Variants in CAMTA1 observed in about 807,000 individuals in gnomAD.
CAMTA1 encodes calmodulin-binding transcription activator 1.
A neutral mutation model predicts 170.9 loss-of-function variants in CAMTA1; 27 were observed. The ratio of observed to expected loss-of-function variants is 0.16; its 90% CI spans 0.12 to 0.22. The LOEUF is 0.22. Ranked by LOEUF, CAMTA1 falls within the 10% of genes least tolerant of loss-of-function variation. The probability of loss-of-function intolerance (pLI) is 1.00; values close to 1 mark genes in which losing one functional copy is unlikely to be tolerated. For missense variants in CAMTA1, 1,619 were observed against 2,217.2 expected, an observed-to-expected ratio of 0.73 and a Z score of 5.42; for synonymous variants, 833 against 891.5, an observed-to-expected ratio of 0.93 and a Z score of 1.17.
chr1:7,499,948 G>T (rs1215621685), intron 6 of CAMTA1, among the ~76,000 whole-genome samples: 1 of 145,992 alleles, frequency 6.8e-6, no homozygotes, highest in East Asian at 2.2e-4. Flanking sequence ...GGATGAGTGT[G>T]TGGAGAGGAC....
At chr1:7,396,861 A>G (rs1347693014) in intron 5 of CAMTA1, among the ~76,000 whole-genome samples, 2 of 152,202 alleles carry the variant, frequency 1.3e-5, no homozygotes, top group African/African-American at 4.8e-5. Flanking sequence ...GATCATGGTT[A>G]ATGATCTCTT....
intron 1 of CAMTA1, among the ~76,000 whole-genome samples, chr1:6,788,928 G>A (rs1280560418): frequency 6.6e-6 from 1 of 152,098 alleles, no homozygotes; most frequent in Non-Finnish European, 1.5e-5. Context: ...GTTGCAGTTG[G>A]GCAGACTAGA....
intron 4 of CAMTA1, among the ~76,000 whole-genome samples, chr1:7,171,752 T>C (rs1193494468): frequency 1.3e-5 from 2 of 152,184 alleles, no homozygotes; most frequent in Non-Finnish European, 2.9e-5. Context: ...TACCCACGGC[T>C]CAGGCAGTCC....
At chr1:6,843,590 C>A (rs1656747460) in intron 3 of CAMTA1, among the ~76,000 whole-genome samples, 1 of 152,188 alleles carries the variant, frequency 6.6e-6, no homozygotes, top group South Asian at 2.1e-4. Context: ...TGCAGTTCTT[C>A]CGCCTCAGTC....
At chr1:7,690,382 G>A (rs71637395) in intron 11 of CAMTA1, among the ~76,000 whole-genome samples, 6,410 of 152,230 alleles carry the variant, frequency 0.042, 180 homozygotes, top group Non-Finnish European at 0.066. Context: ...TCAGCAGATC[G>A]GGAGGTACCC....
At position 7,580,286 on chromosome 1, in the gene CAMTA1, C is replaced by A. The variant is rs531197967; in HGVS notation, c.511-60114C>A. Among the ~76,000 whole-genome samples the A allele has an allele frequency of 1.7e-3, 257 of 152,130 alleles. No individual in the cohort carries two copies. Among genetic ancestry groups the A allele is most frequent in the Non-Finnish European group, 3.0e-3 (206 of 67,998 alleles). ...TCCTGGGGGGTTGTCCACATCTGGA[C>A]CGTGGGAGCTGTTGGGGGGAATGGG... On this transcript the variant is annotated intron_variant, in intron 6 of 22. Transcript: ENST00000303635. This position sits in a 1 kb window ranked among gnomAD's most constrained non-coding sequence, Gnocchi z 4.3.
In CAMTA1 at chr1:6,918,492, C is replaced by T. The variant is rs1681307937; in HGVS notation, c.234+93282C>T. Reference sequence around the variant, plus strand: ...AATGTTGTCACAGATAAATGTCTCCCAATTGCATATAAATGTCTCGGCTTT... The same window carrying T: ...AATGTTGTCACAGATAAATGTCTCCTAATTGCATATAAATGTCTCGGCTTT... On this transcript the variant is annotated intron_variant, in intron 3 of 22. Transcript: ENST00000303635. This position sits in a 1 kb window ranked among gnomAD's most constrained non-coding sequence, Gnocchi z 4.0. 6.6e-6 allele frequency among the ~76,000 whole-genome samples: 1 copy of T among 152,180 alleles called. No homozygotes were observed. The highest frequency in any genetic ancestry group is 1.5e-5 in the Non-Finnish European group (1 of 68,022).
At chr1:7,005,103 C>T (rs1698790417) in intron 3 of CAMTA1, among the ~76,000 whole-genome samples, 1 of 152,224 alleles carries the variant, frequency 6.6e-6, no homozygotes, top group Non-Finnish European at 1.5e-5. Flanking sequence ...AAGTTGTAAA[C>T]CTACAGAGAA....
chr1:7,752,054 T>A (rs970947890), intron 20 of CAMTA1, among the ~76,000 whole-genome samples: 1 of 152,184 alleles, frequency 6.6e-6, no homozygotes, highest in African/African-American at 2.4e-5. Flanking sequence ...AATATATTGA[T>A]CAGTACATTT....
intron 5 of CAMTA1, among the ~76,000 whole-genome samples, chr1:7,250,656 G>A (rs765225309): frequency 7.9e-5 from 12 of 152,146 alleles, no homozygotes; most frequent in Non-Finnish European, 1.8e-4. Flanking sequence ...TATAAATCAT[G>A]TGCTTTTATG....
chr1:7,764,251 G>A (rs913206978), intron 22 of CAMTA1, among the ~76,000 whole-genome samples: 6 of 152,104 alleles, frequency 3.9e-5, no homozygotes, highest in African/African-American at 1.4e-4. Flanking sequence ...ATCTACTCAT[G>A]AACATAGCAA....
chr1:7,135,471 G>A (rs946911015), intron 4 of CAMTA1, among the ~76,000 whole-genome samples: 4 of 152,170 alleles, frequency 2.6e-5, no homozygotes, highest in Admixed American at 2.6e-4. Context: ...ATACACTGCT[G>A]GTAGGGATGC....
In CAMTA1 at chr1:7,663,549, G is replaced by C. The variant is rs2095979339; in HGVS notation, c.1002G>C (p.Val334=). ...GGAACGGCAAGGTGGCCAAGCCCGT[G>C]CTCCTGCACCAGAGCAGCACCGAGG... is the stretch of plus-strand genomic sequence containing the variant. ...EKRNGKVAKP[V]LLHQSSTEVS... is the part of the protein sequence containing the mutation. The change falls in exon 9 of 23, where the codon GTG becomes GTC. Residue 334 remains valine (V), a synonymous_variant. Coordinates refer to ENST00000303635, the MANE Select transcript of CAMTA1 (RefSeq NM_015215.4). 1 of 1,607,330 alleles carries C rather than the reference G, an allele frequency of 6.2e-7. No individual in the cohort carries two copies. The highest frequency in any genetic ancestry group is 8.5e-7 in the Non-Finnish European group (1 of 1,174,556).
chr1:7,468,015 G>GT, intron 6 of CAMTA1, 114 bp downstream of exon 6: 1 of 845,774 alleles, frequency 1.2e-6, no homozygotes, highest in South Asian at 1.5e-5. Context: ...GAGAGCCCTG[G>GT]TGAGCTTGCC....
chr1:7,705,923 G>GC (rs1190180649), intron 11 of CAMTA1, among the ~76,000 whole-genome samples: 1 of 152,186 alleles, frequency 6.6e-6, no homozygotes, highest in African/African-American at 2.4e-5. Context: ...GCTCGGGGTG[G>GC]CCCTTTTGCA....
intron 5 of CAMTA1, among the ~76,000 whole-genome samples, chr1:7,423,436 T>A (rs1575237043): frequency 1.5e-5 from 2 of 129,554 alleles, no homozygotes; most frequent in Admixed American, 1.9e-4. Flanking sequence ...GCCACTGCAC[T>A]CCAGCCTGGG....
chr1:7,687,577 G>A (rs1396602571), intron 11 of CAMTA1, among the ~76,000 whole-genome samples: 1 of 152,172 alleles, frequency 6.6e-6, no homozygotes, highest in Non-Finnish European at 1.5e-5. Flanking sequence ...AGGAGATCGC[G>A]TGCCTCCCAC....
Position 7,358,071 on chromosome 1 carries a change from G to C in CAMTA1, c.438+108445G>C, listed in dbSNP as rs370846621. Among the ~76,000 whole-genome samples the C allele has an allele frequency of 9.2e-5, 14 of 152,332 alleles. No homozygotes were observed. The East Asian group carries it at 9.6e-4, about 10-fold the overall frequency. ...GTCCAAGCCCAGATCTTTGTGGAGG[G>C]GGGGAATGGACACGGAGAACAGCCC... On this transcript the variant is annotated intron_variant, in intron 5 of 22. Transcript: ENST00000303635.
intron 4 of CAMTA1, among the ~76,000 whole-genome samples, chr1:7,236,090 T>A (rs1663799761): frequency 6.6e-6 from 1 of 152,178 alleles, no homozygotes; most frequent in Non-Finnish European, 1.5e-5. Context: ...GGAATGCTTG[T>A]AACCAGTTTT....
Sources: allele counts gnomAD v4.1 joint callset (sites outside exome capture counted in the v4.1 genomes callset), GRCh38; gene constraint gnomAD v4.1.1; non-coding constraint Gnocchi (gnomAD v3.1); transcripts MANE v1.5; gene names NCBI Gene and HGNC (gene_info 2026-07-23, HGNC 2026-07-21).